ZNF385D: variants seen among roughly 807,000 people sequenced by gnomAD.
ZNF385D encodes the protein zinc finger protein 659.
Under a neutral mutation model 35.8 loss-of-function variants are expected in ZNF385D, and 15 were observed. The observed-to-expected ratio is 0.42, with a 90% CI of 0.28 to 0.64. The LOEUF is 0.64. Ranked by LOEUF, ZNF385D falls within the 30% of genes least tolerant of loss-of-function variation. ZNF385D has a pLI of 0.23. For synonymous variants in ZNF385D, 212 were observed against 186.8 expected, an observed-to-expected ratio of 1.13 and a Z score of -1.10; for missense variants, 474 against 494.6, an observed-to-expected ratio of 0.96 and a Z score of 0.39.
chr3:21,474,329 A>T (rs1419629742), intron 4 of ZNF385D, among the ~76,000 whole-genome samples: 1 of 152,142 alleles, frequency 6.6e-6, no homozygotes, highest in Admixed American at 6.6e-5. Flanking sequence ...AGGATAGCAA[A>T]CCATGAAGAC....
At chr3:22,029,722 A>C (rs1359920812) in intron 3 of ZNF385D, among the ~76,000 whole-genome samples, 2 of 152,074 alleles carry the variant, frequency 1.3e-5, no homozygotes, top group Non-Finnish European at 2.9e-5. Flanking sequence ...ACTTTCTGTA[A>C]TAGTATTTGG....
intron 4 of ZNF385D, among the ~76,000 whole-genome samples, chr3:21,442,284 C>T (rs1701902127): frequency 1.3e-5 from 2 of 152,232 alleles, no homozygotes; most frequent in Non-Finnish European, 2.9e-5. Context: ...ACTAGAGTTT[C>T]CTCTCAGGTA....
At chr3:21,633,586 T>C (rs1482297031) in intron 2 of ZNF385D, among the ~76,000 whole-genome samples, 1 of 152,136 alleles carries the variant, frequency 6.6e-6, no homozygotes, top group African/African-American at 2.4e-5. Context: ...ACTATCTTTA[T>C]GCTGCTCTGA....
At chr3:22,296,195 C>T (rs1702567826) in intron 2 of ZNF385D, among the ~76,000 whole-genome samples, 1 of 152,130 alleles carries the variant, frequency 6.6e-6, no homozygotes, top group Non-Finnish European at 1.5e-5. Context: ...ACAATACTAC[C>T]CTCAAAACTT....
chr3:21,698,516 C>G (rs62237451), intron 1 of ZNF385D, among the ~76,000 whole-genome samples: 62,048 of 151,906 alleles, frequency 0.41, 13,815 homozygotes, highest in Middle Eastern at 0.53. Flanking sequence ...GTGTTCACTA[C>G]TTGGTTGATG....
At chr3:21,767,618 T>C (rs4241508) in intron 3 of ZNF385D, among the ~76,000 whole-genome samples, 81,266 of 151,428 alleles carry the variant, frequency 0.54, 22,182 homozygotes, top group East Asian at 0.78. Flanking sequence ...ACCTGGTATA[T>C]AGATGAGTGG....
chr3:21,803,801 T>G (rs984347552), intron 3 of ZNF385D, among the ~76,000 whole-genome samples: 1 of 152,210 alleles, frequency 6.6e-6, no homozygotes, highest in Non-Finnish European at 1.5e-5. Flanking sequence ...AAGGAACCAT[T>G]TGTTCCAAGT....
Position 21,490,360 on chromosome 3 carries a change from C to CA in ZNF385D, c.439+20500dup, listed in dbSNP as rs541247207. Among the ~76,000 whole-genome samples the CA allele has an allele frequency of 3.9e-3, 590 of 151,300 alleles. 1 individual carries two copies. Among genetic ancestry groups the CA allele is most frequent in the Non-Finnish European group, 5.5e-3 (370 of 67,802 alleles). ...TTTTGCTCTTGCTGTTATTCCAATCCAAAAAAAAATTTTCAAATAAAAAAT... is the reference window on the plus strand; with the variant it reads ...TTTTGCTCTTGCTGTTATTCCAATCCAAAAAAAAAATTTTCAAATAAAAAAT... On this transcript the variant is annotated intron_variant, in intron 4 of 7. Transcript: ENST00000281523.
chr3:21,801,682 G>C (rs751734036), intron 3 of ZNF385D, among the ~76,000 whole-genome samples: 2 of 152,134 alleles, frequency 1.3e-5, no homozygotes, highest in Non-Finnish European at 2.9e-5. Flanking sequence ...TCACGCAGCT[G>C]ATATGGCTTA....
intron 3 of ZNF385D, among the ~76,000 whole-genome samples, chr3:21,891,526 AATGAT>A (rs754520669): frequency 3.3e-5 from 5 of 152,126 alleles, no homozygotes; most frequent in Non-Finnish European, 5.9e-5. Context: ...CTCAGAGGTA[AATGAT>A]ATAAGACATG....
At chr3:21,483,280 G>T (rs1704772050) in intron 4 of ZNF385D, among the ~76,000 whole-genome samples, 1 of 152,100 alleles carries the variant, frequency 6.6e-6, no homozygotes, top group Non-Finnish European at 1.5e-5. Flanking sequence ...TCACCATAAT[G>T]TCCTTGAGAT....
At chr3:22,150,252 A>G (rs1243993935) in intron 3 of ZNF385D, among the ~76,000 whole-genome samples, 1 of 152,176 alleles carries the variant, frequency 6.6e-6, no homozygotes, top group African/African-American at 2.4e-5. Context: ...CTATGTTCAA[A>G]TAGGGCCTCA....
intron 4 of ZNF385D, among the ~76,000 whole-genome samples, chr3:21,440,299 C>T (rs1018060416): frequency 2.0e-5 from 3 of 152,230 alleles, no homozygotes; most frequent in Admixed American, 6.5e-5. Flanking sequence ...ATACCCTTGA[C>T]ATGATGTGAT....
chr3:22,320,086 G>T (rs1694341122), intron 2 of ZNF385D, among the ~76,000 whole-genome samples: 1 of 151,030 alleles, frequency 6.6e-6, no homozygotes. Context: ...GAGTACATAG[G>T]TGCTTCATGT....
chr3:22,178,628 T>C (rs1694998430), intron 2 of ZNF385D, among the ~76,000 whole-genome samples: 1 of 152,184 alleles, frequency 6.6e-6, no homozygotes, highest in African/African-American at 2.4e-5. Context: ...TGCCATTGCT[T>C]TTGGTGTTTT....
intron 3 of ZNF385D, among the ~76,000 whole-genome samples, chr3:22,015,018 C>A (rs1576155756): frequency 6.6e-6 from 1 of 152,062 alleles, no homozygotes. Context: ...TGAATGTTCA[C>A]AACAAGCATA....
intron 3 of ZNF385D, among the ~76,000 whole-genome samples, chr3:21,844,071 G>C (rs1280812622): frequency 1.3e-5 from 2 of 151,930 alleles, no homozygotes; most frequent in African/African-American, 4.8e-5. Context: ...GATGATATCT[G>C]GCAGAGATGG....
chr3:22,295,862 A>G (rs1702548169), intron 2 of ZNF385D, among the ~76,000 whole-genome samples: 1 of 152,130 alleles, frequency 6.6e-6, no homozygotes, highest in Non-Finnish European at 1.5e-5. Context: ...GCCCCTCCCA[A>G]TGGCATTGTT....
intron 3 of ZNF385D, among the ~76,000 whole-genome samples, chr3:22,162,239 C>A (rs941501130): frequency 2.6e-5 from 4 of 152,090 alleles, no homozygotes; most frequent in African/African-American, 9.7e-5. Context: ...GAATATTTTA[C>A]CCCAAAATAT....
Sources: allele counts gnomAD v4.1 joint callset (sites outside exome capture counted in the v4.1 genomes callset), GRCh38; gene constraint gnomAD v4.1.1; transcripts MANE v1.5; gene names NCBI Gene and HGNC (gene_info 2026-07-23, HGNC 2026-07-21).